C1orf159: variants seen among roughly 807,000 people sequenced by gnomAD.
C1orf159 encodes uncharacterized protein C1orf159.
A neutral mutation model predicts 25.6 loss-of-function variants in C1orf159; 19 were observed. That is an observed-to-expected ratio of 0.74 (90% CI 0.52 to 1.09). The LOEUF (loss-of-function observed/expected upper bound fraction) is 1.09, where lower values mean the gene tolerates loss of function less well. Among genes scored for constraint, C1orf159 ranks in the 50% least tolerant of loss-of-function variants. The pLI, the probability that C1orf159 is intolerant of heterozygous loss-of-function variation, is 0.00. For missense variants in C1orf159, 274 were observed against 290.6 expected (o/e 0.94, Z 0.42); for synonymous variants, 139 against 124.7 (o/e 1.12, Z -0.77).
At position 1,110,093 on chromosome 1, in the gene C1orf159, G is replaced by A. The variant is rs11586034; in HGVS notation, c.-136+5967C>T. ...CTGTAAGGGTGTGTGACTTAACCCC[G>A]GCCTGGCACGGCCTTAGGTCCTGAT... On this transcript the variant is annotated intron_variant, in intron 1 of 9. Coordinates refer to ENST00000421241, the MANE Select transcript of C1orf159 (RefSeq NM_017891.5). The surrounding 1 kb of genome is among the most constrained non-coding windows in gnomAD (Gnocchi z 4.8). Among the ~76,000 whole-genome samples the A allele has an allele frequency of 0.1, 15,490 of 152,260 alleles. 931 individuals carry two copies. The highest frequency in any genetic ancestry group is 0.21 in the East Asian group (1,073 of 5,184).
intron 1 of C1orf159, among the ~76,000 whole-genome samples, chr1:1,095,038 TG>T: frequency 6.6e-6 from 1 of 152,316 alleles, no homozygotes; most frequent in Admixed American, 6.5e-5. Flanking sequence ...ACTATAGAGG[TG>T]GGGTCTATTT....
intron 1 of C1orf159, among the ~76,000 whole-genome samples, chr1:1,100,464 A>C (rs1209553549): frequency 6.6e-6 from 1 of 151,874 alleles, no homozygotes; most frequent in Non-Finnish European, 1.5e-5. Flanking sequence ...TCAGCATCCC[A>C]CTTGTTGCAG....
chr1:1,111,234 G>A (rs80356264), intron 1 of C1orf159, among the ~76,000 whole-genome samples: 209 of 152,164 alleles, frequency 1.4e-3, no homozygotes, highest in African/African-American at 4.6e-3. Flanking sequence ...TCCCTTAGAA[G>A]AACTGGTTTC....
chr1:1,091,667 C>T, intron 2 of C1orf159, 102 bp from the exon 3 acceptor site: 1 of 493,940 alleles, frequency 2.0e-6, no homozygotes, highest in South Asian at 2.1e-5. Context: ...TGGGGGGGTG[C>T]GGGCCAAGGC....
rs767870991 is a variant in C1orf159 at position 1,085,859 on chromosome 1, G to T, written c.445+19C>A. ...TGCCCTGTGCCCTCCCGTGGGGCAG[G>T]TGCTGGTCCGGGAGATACCTTTGTT... On this transcript the variant is annotated intron_variant, in intron 7 of 9. Coordinates refer to ENST00000421241, the MANE Select transcript of C1orf159 (RefSeq NM_017891.5). The T allele has an allele frequency of 6.2e-7, 1 of 1,612,594 alleles. No individual in the cohort carries two copies. The highest frequency in any genetic ancestry group is 8.5e-7 in the Non-Finnish European group (1 of 1,179,548).
At chr1:1,084,147 C>T (rs374166904) in intron 9 of C1orf159, 567 of 1,547,240 alleles carry the variant, frequency 3.7e-4, no homozygotes, top group Non-Finnish European at 4.4e-4. Flanking sequence ...CAGGGGGCGC[C>T]GGCCAAATCC....
In C1orf159 at chr1:1,083,005, C is replaced by T. The variant is rs1045122957; in HGVS notation, c.503-18G>A. 2 of 1,567,986 alleles carry T rather than the reference C, an allele frequency of 1.3e-6. No homozygotes were observed. Among genetic ancestry groups the T allele is most frequent in the South Asian group, 1.2e-5 (1 of 85,556 alleles). ...CTTCCGTACTGAAACGGGTCAGAGACAGGCGAGGTCAGAGTGGGACCTGGA... is the reference window on the plus strand; with the variant it reads ...CTTCCGTACTGAAACGGGTCAGAGATAGGCGAGGTCAGAGTGGGACCTGGA... On this transcript the variant is annotated intron_variant, in intron 9 of 9. Transcript: ENST00000421241.
At chr1:1,100,447 C>T (rs968691191) in intron 1 of C1orf159, among the ~76,000 whole-genome samples, 6 of 152,116 alleles carry the variant, frequency 3.9e-5, no homozygotes, top group Non-Finnish European at 8.8e-5. Flanking sequence ...CAGGCACAGC[C>T]TTACCCTCAG....
chr1:1,113,779 G>A (rs577572944), intron 1 of C1orf159, among the ~76,000 whole-genome samples: 10 of 152,318 alleles, frequency 6.6e-5, no homozygotes, highest in Admixed American at 2.0e-4. Context: ...GGTCTTCCAC[G>A]CTGGAGGCTT....
intron 1 of C1orf159, among the ~76,000 whole-genome samples, chr1:1,108,635 C>T (rs878995450): frequency 1.2e-4 from 10 of 82,720 alleles, no homozygotes; most frequent in African/African-American, 3.9e-4. Flanking sequence ...CTCAGCAGCA[C>T]CGTCCACCAC....
chr1:1,091,179 G>A (rs542321599), intron 3 of C1orf159: 92 of 617,898 alleles, frequency 1.5e-4, no homozygotes, highest in East Asian at 4.7e-4. Flanking sequence ...TGCGCGGCAC[G>A]CTGTGCTGTC....
At chr1:1,091,255 G>A (rs1415724119) in intron 3 of C1orf159, 41 of 649,804 alleles carry the variant, frequency 6.3e-5, no homozygotes, top group Admixed American at 1.7e-4. Context: ...GCCTGACCCA[G>A]CCATTCCTGA....
Position 1,091,192 on chromosome 1 carries a change from CGCTG to C in C1orf159, c.72+276_72+279del, listed in dbSNP as rs772149685. ...GATGCGCGGCACGCTGTGCTGTCAC[CGCTG>C]GCAGAGGTGCTCCCATTGCGGGCCA... On this transcript the variant is annotated intron_variant, in intron 3 of 9. Transcript: ENST00000421241. 46 of 615,912 alleles carry C rather than the reference CGCTG, an allele frequency of 7.5e-5. No individual in the cohort carries two copies. In the African/African-American group the frequency reaches 8.1e-4, roughly 11 times the overall value. 38.2% of individuals were successfully genotyped at this position (615,912 alleles called of 1,614,324 possible). A position where few individuals can be genotyped will look rare whatever the true frequency, so the allele number is the denominator to read the frequency against.
intron 1 of C1orf159, among the ~76,000 whole-genome samples, chr1:1,107,564 CT>C (rs1646191168): frequency 6.6e-6 from 1 of 152,198 alleles, no homozygotes; most frequent in Non-Finnish European, 1.5e-5. Context: ...AAATATCATT[CT>C]GTGTCTAGCT....
At chr1:1,092,536 A>G (rs1248898148) in intron 1 of C1orf159, 1 of 153,192 alleles carries the variant, frequency 6.5e-6, no homozygotes, top group African/African-American at 2.4e-5. Flanking sequence ...GTGTCACTGC[A>G]CTGGCTCAGG....
rs376994273 is a variant in C1orf159, at chr1:1,111,854, C to T, written c.-136+4206G>A. Among the ~76,000 whole-genome samples the T allele has an allele frequency of 9.7e-4, 147 of 152,302 alleles. 1 individual carries two copies. Among genetic ancestry groups the T allele is most frequent in the African/African-American group, 3.4e-3 (141 of 41,554 alleles). ...GCAAGCAAAGGAAGCCAACGTGAAA[C>T]GTAGCTTTAAGGGCCCAATAAGAAC... is the stretch of plus-strand genomic sequence containing the variant. On this transcript the variant is annotated intron_variant, in intron 1 of 9. Coordinates refer to ENST00000421241, the MANE Select transcript of C1orf159 (RefSeq NM_017891.5).
intron 1 of C1orf159, among the ~76,000 whole-genome samples, chr1:1,096,020 C>A (rs1043397076): frequency 2.0e-5 from 3 of 152,214 alleles, no homozygotes; most frequent in Admixed American, 1.3e-4. Flanking sequence ...GGATAAACCA[C>A]ACTTGGCCGA....
intron 2 of C1orf159, 129 bp downstream of exon 2, chr1:1,091,862 T>TGGGGCAGGGCC (rs1553121109): frequency 7.0e-5 from 27 of 383,372 alleles, no homozygotes; most frequent in African/African-American, 6.0e-4. Context: ...TAAATGGAGA[T>TGGGGCAGGGCC]GGGGCAGGGC....
Position 1,083,072 on chromosome 1 carries a change from C to G in C1orf159, c.503-85G>C, listed in dbSNP as rs773493850. 9.3e-6 allele frequency: 11 copies of G among 1,181,446 alleles called. No individual in the cohort carries two copies. In the Admixed American group the frequency reaches 2.2e-4, roughly 24 times the overall value. The allele number at this position is 1,181,446 out of a possible 1,614,324, so 73.2% of individuals were successfully genotyped here. ...GGCCTCAGCCCTCACCGGAGGCTCT[C>G]GGGAGTGGGCATATGGCACAGGCGC... is the stretch of plus-strand genomic sequence containing the variant. On this transcript the variant is annotated intron_variant, in intron 9 of 9. Coordinates refer to ENST00000421241, the MANE Select transcript of C1orf159 (RefSeq NM_017891.5).
Sources: gnomAD v4.1 joint callset for allele counts (sites outside exome capture counted in the v4.1 genomes callset) on GRCh38, gnomAD v4.1.1 for gene constraint, Gnocchi (gnomAD v3.1) non-coding constraint, MANE v1.5 for transcripts, NCBI Gene and HGNC (gene_info 2026-07-23, HGNC 2026-07-21) for gene names.